STIM1: variants seen among roughly 807,000 people sequenced by gnomAD.
The protein encoded by STIM1 is stromal interaction molecule 1.
Under a neutral mutation model 74.7 loss-of-function variants are expected in STIM1, and 25 were observed. The ratio of observed to expected loss-of-function variants is 0.33; its 90% CI spans 0.24 to 0.47. The LOEUF is 0.47. Among genes scored for constraint, STIM1 ranks in the 20% least tolerant of loss-of-function variants. The pLI is 1.00. For synonymous variants in STIM1, 328 were observed against 348.8 expected (o/e 0.94, Z 0.66); for missense variants, 728 against 920.8 (o/e 0.79, Z 2.71).
At chr11:4,066,238 T>G (rs1013323756) in intron 5 of STIM1, among the ~76,000 whole-genome samples, 3 of 152,216 alleles carry the variant, frequency 2.0e-5, no homozygotes, top group Non-Finnish European at 4.4e-5. Flanking sequence ...CCTCCATGGT[T>G]ACTCTGCCCT....
At chr11:3,923,495 G>T (rs544240162) in intron 1 of STIM1, among the ~76,000 whole-genome samples, 1 of 151,964 alleles carries the variant, frequency 6.6e-6, no homozygotes, top group South Asian at 2.1e-4. Flanking sequence ...TGTAATCCCA[G>T]CTACTTGGGA....
chr11:3,997,247 G>A (rs1163783013), intron 2 of STIM1, among the ~76,000 whole-genome samples: 1 of 152,216 alleles, frequency 6.6e-6, no homozygotes, highest in African/African-American at 2.4e-5. Context: ...CTGTATCTAT[G>A]TATGTGCTAG....
chr11:3,900,248 A>T (rs1446812817), intron 1 of STIM1, among the ~76,000 whole-genome samples: 8 of 152,090 alleles, frequency 5.3e-5, no homozygotes, highest in African/African-American at 1.9e-4. Flanking sequence ...CAGGTGCGGG[A>T]TACAATCTCC....
At chr11:3,995,846 G>T (rs2093658742) in intron 2 of STIM1, among the ~76,000 whole-genome samples, 1 of 147,156 alleles carries the variant, frequency 6.8e-6, no homozygotes, top group African/African-American at 2.5e-5. Context: ...TGGGATATAT[G>T]TGCAGGATGT....
At chr11:4,001,416 A>T (rs2093715604) in intron 2 of STIM1, among the ~76,000 whole-genome samples, 1 of 152,198 alleles carries the variant, frequency 6.6e-6, no homozygotes, top group Non-Finnish European at 1.5e-5. Context: ...GCCAGAAGAG[A>T]GTGGGGACCA....
chr11:4,074,694 A>T lies in STIM1; in HGVS notation c.969+15A>T, dbSNP rs1457105275. 8 of 1,552,716 alleles carry T rather than the reference A, an allele frequency of 5.2e-6. No individual in the cohort carries two copies. The highest frequency in any genetic ancestry group is 7.0e-6 in the Non-Finnish European group (8 of 1,147,626). On this transcript the variant is annotated intron_variant, in intron 7 of 12. Coordinates refer to ENST00000526596, the MANE Select transcript of STIM1 (RefSeq NM_001382567.1). The stretch of plus-strand genomic sequence containing the variant: ...AGTTGGAGCAGGTAGGAGAGTCCAC[A>T]AATTCCTGGACACCTTGACGGGTGG...
At chr11:3,981,506 T>C (rs1369947504) in intron 2 of STIM1, among the ~76,000 whole-genome samples, 1 of 152,228 alleles carries the variant, frequency 6.6e-6, no homozygotes, top group Non-Finnish European at 1.5e-5. Flanking sequence ...ACAAAGATAC[T>C]ATCTTATTGT....
chr11:3,894,340 G>A (rs1398638967), intron 1 of STIM1, among the ~76,000 whole-genome samples: 1 of 152,162 alleles, frequency 6.6e-6, no homozygotes, highest in Non-Finnish European at 1.5e-5. Flanking sequence ...TTTGAAGGGA[G>A]AGATTGGTGG....
At chr11:4,010,712 T>C (rs2093827299) in intron 2 of STIM1, among the ~76,000 whole-genome samples, 1 of 151,462 alleles carries the variant, frequency 6.6e-6, no homozygotes, top group Non-Finnish European at 1.5e-5. Context: ...TCTGCCTTTC[T>C]TTCTTTCTTT....
chr11:3,913,118 C>T (rs1376538414), intron 1 of STIM1, among the ~76,000 whole-genome samples: 3 of 152,116 alleles, frequency 2.0e-5, no homozygotes, highest in Non-Finnish European at 4.4e-5. Flanking sequence ...TTGAGGGTCT[C>T]TTAGTTACAG....
chr11:3,913,855 A>G (rs540808475), intron 1 of STIM1, among the ~76,000 whole-genome samples: 234 of 152,314 alleles, frequency 1.5e-3, no homozygotes, highest in Non-Finnish European at 2.7e-3. Context: ...TTTCATATCA[A>G]TGAAATCATA....
chr11:4,030,771 C>G (rs1035679847), intron 3 of STIM1, among the ~76,000 whole-genome samples: 2 of 152,128 alleles, frequency 1.3e-5, no homozygotes, highest in African/African-American at 4.8e-5. Context: ...AAAAGTTTTA[C>G]TTGTATTCCC....
chr11:3,889,095 C>G (rs371850275), intron 1 of STIM1, among the ~76,000 whole-genome samples: 1 of 148,900 alleles, frequency 6.7e-6, no homozygotes, highest in African/African-American at 2.5e-5. Flanking sequence ...TTGGGAGTTC[C>G]CTGTTTAGTG....
At chr11:3,898,026 C>G (rs1353208796) in intron 1 of STIM1, among the ~76,000 whole-genome samples, 1 of 152,186 alleles carries the variant, frequency 6.6e-6, no homozygotes, top group Non-Finnish European at 1.5e-5. Context: ...TTGGGTTATA[C>G]CCAGTAATGG....
intron 1 of STIM1, among the ~76,000 whole-genome samples, chr11:3,932,148 C>G (rs910644225): frequency 4.6e-5 from 7 of 152,296 alleles, no homozygotes; most frequent in South Asian, 2.1e-4. Flanking sequence ...AGGCAGTTCT[C>G]TTGTCCAGCC....
At chr11:3,990,254 T>G (rs1193254825) in intron 2 of STIM1, among the ~76,000 whole-genome samples, 11 of 152,254 alleles carry the variant, frequency 7.2e-5, no homozygotes. Flanking sequence ...TGTACTTTAT[T>G]TCTTTTCATG....
intron 4 of STIM1, 97 bp downstream of exon 4, chr11:4,055,734 G>C (rs1346410005): frequency 2.3e-6 from 2 of 872,024 alleles, no homozygotes; most frequent in African/African-American, 3.4e-5. Context: ...GTGAGGTTCT[G>C]CCTTTTTCAG....
Position 4,048,798 on chromosome 11 carries a change from A to G in STIM1, c.386-6728A>G, listed in dbSNP as rs2094214336. On this transcript the variant is annotated intron_variant, in intron 3 of 12. Coordinates refer to ENST00000526596, the MANE Select transcript of STIM1 (RefSeq NM_001382567.1). ...GCCCAGGCTGGAGTGCAGTGGCACG[A>G]TCTCAGCTCGCTGCAACCTCCACCT... is the stretch of plus-strand genomic sequence containing the variant. Among the ~76,000 whole-genome samples, 3 of 151,970 alleles carry G rather than the reference A, an allele frequency of 2.0e-5. 1 individual carries two copies. Among genetic ancestry groups the G allele is most frequent in the Non-Finnish European group, 4.4e-5 (3 of 67,996 alleles).
intron 1 of STIM1, among the ~76,000 whole-genome samples, chr11:3,881,593 C>T (rs1393859093): frequency 6.6e-6 from 1 of 152,088 alleles, no homozygotes; most frequent in Non-Finnish European, 1.5e-5. Flanking sequence ...GGATGGTCTC[C>T]ATCTCCTGAC....
Sources: gnomAD v4.1 joint callset for allele counts (sites outside exome capture counted in the v4.1 genomes callset) on GRCh38, gnomAD v4.1.1 for gene constraint, MANE v1.5 for transcripts, NCBI Gene and HGNC (gene_info 2026-07-23, HGNC 2026-07-21) for gene names.